The following ADAM12 variants were observed in gnomAD, a reference collection of about 807,000 sequenced individuals.
ADAM12 encodes ADAM metallopeptidase domain 12, also known as disintegrin and metalloproteinase domain-containing protein 12.
ADAM12 carries 70 observed loss-of-function variants against 106.4 expected under a neutral mutation model. The ratio of observed to expected loss-of-function variants is 0.66; its 90% CI spans 0.54 to 0.80. The LOEUF (loss-of-function observed/expected upper bound fraction) is 0.80. ADAM12 is among the 30% of genes least tolerant of loss of function. The probability of loss-of-function intolerance (pLI) is 0.00; values close to 1 mark genes in which losing one functional copy is unlikely to be tolerated. For missense variants in ADAM12, 1,010 were observed against 1,171.9 expected (o/e 0.86, Z 2.02); for synonymous variants, 420 against 433.5 (o/e 0.97, Z 0.39).
intron 2 of ADAM12, among the ~76,000 whole-genome samples, chr10:126,328,964 A>G (rs1854406377): frequency 6.6e-6 from 1 of 152,132 alleles, no homozygotes; most frequent in Non-Finnish European, 1.5e-5. Flanking sequence ...GGTAGGAAGG[A>G]GGAAGCTGGG....
chr10:126,237,351 CTATTA>C (rs1320742987), intron 3 of ADAM12, among the ~76,000 whole-genome samples: 1 of 152,006 alleles, frequency 6.6e-6, no homozygotes, highest in African/African-American at 2.4e-5. Context: ...CTATTCTATT[CTATTA>C]TTCTCAGAAA....
At chr10:126,078,152 C>T (rs536077177) in intron 11 of ADAM12, among the ~76,000 whole-genome samples, 1 of 152,186 alleles carries the variant, frequency 6.6e-6, no homozygotes, top group Non-Finnish European at 1.5e-5. Context: ...AGGCCAGGTG[C>T]ATCACCTGCT....
chr10:126,343,689 T>G (rs866764411), intron 1 of ADAM12, among the ~76,000 whole-genome samples: 13 of 152,180 alleles, frequency 8.5e-5, no homozygotes, highest in South Asian at 2.1e-4. Flanking sequence ...CTCCAGCACC[T>G]GTTGTTTCCC....
intron 21 of ADAM12, among the ~76,000 whole-genome samples, chr10:126,021,167 A>AG (rs1953759991): frequency 6.6e-6 from 1 of 152,114 alleles, no homozygotes; most frequent in Non-Finnish European, 1.5e-5. Context: ...TTGTCTTTGA[A>AG]GCCCGGAAAC....
rs573483115 is a variant in ADAM12 at position 126,221,163 on chromosome 10, C to T, written c.260+57752G>A. ...CTTTGGGAAGCTGAGGCAGGCAGGT[C>T]ACTTGAGGTCAGGAGTTCGAGACCA... On this transcript the variant is annotated intron_variant, in intron 3 of 22. Coordinates refer to ENST00000448723, the MANE Select transcript of ADAM12 (RefSeq NM_001288973.2). Among the ~76,000 whole-genome samples the T allele has an allele frequency of 1.6e-4, 25 of 152,216 alleles. No individual in the cohort carries two copies. In the South Asian group the frequency reaches 4.8e-3, roughly 29 times the overall value.
At chr10:126,143,002 T>C (rs531789314) in intron 4 of ADAM12, among the ~76,000 whole-genome samples, 2 of 151,378 alleles carry the variant, frequency 1.3e-5, no homozygotes, top group African/African-American at 2.4e-5. Flanking sequence ...GTGTGTATAT[T>C]GGTGTGCATG....
chr10:126,030,020 C>T (rs961056283), intron 21 of ADAM12, among the ~76,000 whole-genome samples: 1 of 152,160 alleles, frequency 6.6e-6, no homozygotes, highest in Non-Finnish European at 1.5e-5. Context: ...AAGATTATGC[C>T]TGTGTGACGT....
chr10:126,278,744 T>G (rs1189434087), intron 3 of ADAM12, among the ~76,000 whole-genome samples, 171 bp downstream of exon 3: 6 of 152,220 alleles, frequency 3.9e-5, no homozygotes, highest in African/African-American at 1.4e-4. Flanking sequence ...AATTCTTTAT[T>G]TTTCCATTAG....
intron 3 of ADAM12, among the ~76,000 whole-genome samples, chr10:126,158,147 TG>T (rs1206202231): frequency 5.9e-5 from 9 of 151,962 alleles, no homozygotes; most frequent in African/African-American, 2.2e-4. Context: ...AGAGGGGACA[TG>T]GGTGAAGCTG....
At chr10:126,287,354 A>G (rs1263727182) in intron 2 of ADAM12, among the ~76,000 whole-genome samples, 2 of 152,184 alleles carry the variant, frequency 1.3e-5, no homozygotes, top group Non-Finnish European at 2.9e-5. Flanking sequence ...CTTATCAGAA[A>G]GCAACCTGGA....
chr10:126,086,215 G>A (rs1393594085), intron 11 of ADAM12, among the ~76,000 whole-genome samples: 1 of 152,112 alleles, frequency 6.6e-6, no homozygotes, highest in African/African-American at 2.4e-5. Context: ...ACATGGCTCT[G>A]TACTGAGGCA....
intron 3 of ADAM12, among the ~76,000 whole-genome samples, chr10:126,257,378 G>A (rs749512852): frequency 9.9e-5 from 15 of 152,140 alleles, no homozygotes; most frequent in Admixed American, 7.2e-4. Context: ...TGGCCTCTTC[G>A]CTGCTGAGAG....
At position 126,290,101 on chromosome 10, in the gene ADAM12, C is replaced by A. The variant is rs543215522; in HGVS notation, c.187-11113G>T. ...GAAAGATGTGACAAGAGGGCTTGAC[C>A]CACTGTGCTTACTCTGAAGGTGCCA... On this transcript the variant is annotated intron_variant, in intron 2 of 22. Coordinates refer to ENST00000448723, the MANE Select transcript of ADAM12 (RefSeq NM_001288973.2). 8.1e-4 allele frequency among the ~76,000 whole-genome samples: 124 copies of A among 152,238 alleles called. 1 individual carries two copies. Among genetic ancestry groups the A allele is most frequent in the African/African-American group, 2.9e-3 (120 of 41,528 alleles).
chr10:126,371,281 G>A (rs961993172), intron 1 of ADAM12, among the ~76,000 whole-genome samples: 1 of 152,226 alleles, frequency 6.6e-6, no homozygotes, highest in Non-Finnish European at 1.5e-5. Flanking sequence ...TATGAAGAAA[G>A]AGCAATTACC....
At chr10:126,112,828 A>C (rs1347021616) in intron 6 of ADAM12, among the ~76,000 whole-genome samples, 1 of 152,094 alleles carries the variant, frequency 6.6e-6, no homozygotes, top group Non-Finnish European at 1.5e-5. Flanking sequence ...CCTGAAACCC[A>C]GTGTCCTCCT....
At chr10:126,186,681 A>G (rs1026115002) in intron 3 of ADAM12, among the ~76,000 whole-genome samples, 18 of 152,078 alleles carry the variant, frequency 1.2e-4, no homozygotes, top group Admixed American at 8.5e-4. Context: ...AGACAACAGG[A>G]AGGGGCTGGA....
chr10:126,374,458 G>T (rs1393785988), intron 1 of ADAM12, among the ~76,000 whole-genome samples: 1 of 151,950 alleles, frequency 6.6e-6, no homozygotes, highest in Admixed American at 6.6e-5. Flanking sequence ...AGAATACAAA[G>T]AAAAGATAAT....
At chr10:126,101,727 A>G (rs1194066547) in intron 8 of ADAM12, among the ~76,000 whole-genome samples, 1 of 152,252 alleles carries the variant, frequency 6.6e-6, no homozygotes, top group African/African-American at 2.4e-5. Context: ...GCAAAGTCTC[A>G]GCTCTGGCTA....
intron 3 of ADAM12, among the ~76,000 whole-genome samples, chr10:126,206,529 T>C (rs6597745): frequency 0.63 from 96,383 of 152,038 alleles, 34,317 homozygotes; most frequent in Non-Finnish European, 0.82. Flanking sequence ...CTCTAGAATG[T>C]GTGTATTCAT....
Sources: allele counts gnomAD v4.1 joint callset (sites outside exome capture counted in the v4.1 genomes callset), GRCh38; gene constraint gnomAD v4.1.1; transcripts MANE v1.5; gene names NCBI Gene and HGNC (gene_info 2026-07-23, HGNC 2026-07-21).